The following TPST2 variants were observed in gnomAD, a reference collection of about 807,000 sequenced individuals.
TPST2 encodes tyrosylprotein sulfotransferase 2.
A neutral mutation model predicts 27.8 loss-of-function variants in TPST2; 16 were observed. The ratio of observed to expected loss-of-function variants is 0.58; its 90% CI spans 0.39 to 0.88. TPST2 has a LOEUF of 0.88. TPST2 is among the 40% of genes least tolerant of loss of function. TPST2 has a pLI of 0.00. For synonymous variants in TPST2, 229 were observed against 231.7 expected (o/e 0.99, Z 0.10); for missense variants, 464 against 543.1 (o/e 0.85, Z 1.45).
chr22:26,551,065 G>T (rs1182351847), intron 1 of TPST2, among the ~76,000 whole-genome samples: 1 of 152,184 alleles, frequency 6.6e-6, no homozygotes, highest in Non-Finnish European at 1.5e-5. Context: ...AGGCTGAGGG[G>T]GATGGATTGC....
chr22:26,574,446 CACA>C (rs1040483300), intron 1 of TPST2, among the ~76,000 whole-genome samples: 1 of 152,142 alleles, frequency 6.6e-6, no homozygotes, highest in Non-Finnish European at 1.5e-5. Flanking sequence ...GCTATCATCC[CACA>C]ACAACAGGCC....
chr22:26,534,234 A>C (rs551548859), intron 4 of TPST2, among the ~76,000 whole-genome samples: 3 of 152,304 alleles, frequency 2.0e-5, no homozygotes, highest in African/African-American at 7.2e-5. Context: ...CCCAGGATCC[A>C]TTATTGGAAC....
intron 4 of TPST2, among the ~76,000 whole-genome samples, chr22:26,534,550 C>T (rs753490013): frequency 2.0e-5 from 3 of 152,184 alleles, no homozygotes; most frequent in East Asian, 1.9e-4. Flanking sequence ...CAGGAACGTC[C>T]GACCCATAGC....
At chr22:26,569,893 A>G (rs544469131) in intron 1 of TPST2, among the ~76,000 whole-genome samples, 2 of 146,666 alleles carry the variant, frequency 1.4e-5, no homozygotes, top group South Asian at 2.3e-4. Flanking sequence ...TGGAGGTTGC[A>G]GTGGGCCGAG....
chr22:26,580,803 C>T (rs1928071532), intron 1 of TPST2, among the ~76,000 whole-genome samples: 1 of 152,168 alleles, frequency 6.6e-6, no homozygotes, highest in Admixed American at 6.5e-5. Context: ...GCACTAAAGA[C>T]GCGTTAGCAC....
intron 1 of TPST2, among the ~76,000 whole-genome samples, chr22:26,559,652 A>C (rs966673973): frequency 1.3e-5 from 2 of 152,190 alleles, no homozygotes; most frequent in Admixed American, 6.5e-5. Flanking sequence ...CACACAAAGC[A>C]TGTTCTTTAA....
rs771545278 is a variant in TPST2, at chr22:26,536,471, C to T, written c.858G>A (p.Thr286=). 13 of 1,537,784 alleles carry T rather than the reference C, an allele frequency of 8.5e-6. No homozygotes were observed. The highest frequency in any genetic ancestry group is 2.0e-5 in the Admixed American group (1 of 49,518). The change falls in exon 4 of 7, where the codon ACG becomes ACA. Residue 286 remains threonine (T), a synonymous_variant. Transcript: ENST00000338754. The part of the protein sequence containing the change: ...GVSLSKIERS[T]DQVIKPVNLE... ...GGTTAACAGGCTTGATGACCTGGTCCGTGGACCGCTCGATCCTGGGGAGAG... is the reference window on the plus strand; with the variant it reads ...GGTTAACAGGCTTGATGACCTGGTCTGTGGACCGCTCGATCCTGGGGAGAG...
At chr22:26,544,193 G>A (rs1345935819) in intron 2 of TPST2, among the ~76,000 whole-genome samples, 1 of 152,156 alleles carries the variant, frequency 6.6e-6, no homozygotes, top group Non-Finnish European at 1.5e-5. Flanking sequence ...TTTTCTCAAG[G>A]AAGCTATTCA....
intron 5 of TPST2, among the ~76,000 whole-genome samples, chr22:26,531,144 A>G (rs952645854): frequency 1.3e-5 from 2 of 152,212 alleles, no homozygotes; most frequent in Non-Finnish European, 2.9e-5. Flanking sequence ...AAGGAATGGC[A>G]TACCCCCACG....
At chr22:26,556,985 G>A (rs574255467) in intron 1 of TPST2, among the ~76,000 whole-genome samples, 1 of 152,386 alleles carries the variant, frequency 6.6e-6, no homozygotes, top group South Asian at 2.1e-4. Context: ...TCACAAAGCT[G>A]AGGCAGGAAG....
chr22:26,551,872 CTTTTCTTTTTCTT>C (rs752873860), intron 1 of TPST2, among the ~76,000 whole-genome samples: 20,588 of 115,328 alleles, frequency 0.18, 954 homozygotes, highest in Non-Finnish European at 0.22. Flanking sequence ...TTTTCCTTTT[CTTTTCTTTTTCTT>C]TTTTTTTTTT....
intron 4 of TPST2, among the ~76,000 whole-genome samples, chr22:26,534,206 C>T (rs2147178706): frequency 6.6e-6 from 1 of 152,228 alleles, no homozygotes; most frequent in Admixed American, 6.5e-5. Context: ...GTCCTTTTAG[C>T]CACTGTGTTT....
chr22:26,563,742 T>C (rs1262404244), intron 1 of TPST2, among the ~76,000 whole-genome samples: 1 of 152,104 alleles, frequency 6.6e-6, no homozygotes, highest in African/African-American at 2.4e-5. Flanking sequence ...TGCAATGACA[T>C]ACCATCACAA....
chr22:26,544,680 A>C lies in TPST2; in HGVS notation c.-160-5T>G. On this transcript the variant is annotated splice_region_variant and splice_polypyrimidine_tract_variant and intron_variant, in intron 1 of 6. Transcript: ENST00000338754. ...AGGCTGTCTGCTGGCAGAGCCCTGG[A>C]GAGGCAAAGGAGATATTGCATCAGG... 1 of 985,984 alleles carries C rather than the reference A, an allele frequency of 1.0e-6. No homozygotes were observed. Among genetic ancestry groups the C allele is most frequent in the Non-Finnish European group, 1.2e-6 (1 of 830,044 alleles). 61.1% of individuals were successfully genotyped at this position (985,984 alleles called of 1,614,324 possible).
chr22:26,583,252 G>C (rs1319530667), intron 1 of TPST2, among the ~76,000 whole-genome samples: 1 of 150,368 alleles, frequency 6.7e-6, no homozygotes, highest in African/African-American at 2.4e-5. Flanking sequence ...CTGGCCAACA[G>C]GGTGAAACCC....
At chr22:26,577,319 G>A (rs1473169618) in intron 1 of TPST2, among the ~76,000 whole-genome samples, 2 of 149,666 alleles carry the variant, frequency 1.3e-5, no homozygotes, top group Non-Finnish European at 3.0e-5. Context: ...GTGTGCCTGG[G>A]GGGTTTTCTA....
intron 1 of TPST2, among the ~76,000 whole-genome samples, chr22:26,553,793 T>C (rs1412779564): frequency 2.6e-5 from 4 of 152,200 alleles, no homozygotes; most frequent in Admixed American, 2.0e-4. Flanking sequence ...TCCTCCCATA[T>C]ACTTTAAATC....
chr22:26,561,796 AC>A (rs1927110822), intron 1 of TPST2, among the ~76,000 whole-genome samples: 2 of 152,138 alleles, frequency 1.3e-5, no homozygotes, highest in South Asian at 4.1e-4. Context: ...AGGCTTAGGT[AC>A]TAGGGAGCCA....
chr22:26,535,953 A>C (rs1466152266), intron 4 of TPST2: 1 of 408,980 alleles, frequency 2.4e-6, no homozygotes, highest in African/African-American at 2.1e-5. Flanking sequence ...CAAAGACTTG[A>C]GGTGCCTTAC....
Sources: allele counts gnomAD v4.1 joint callset (sites outside exome capture counted in the v4.1 genomes callset), GRCh38; gene constraint gnomAD v4.1.1; transcripts MANE v1.5; gene names NCBI Gene and HGNC (gene_info 2026-07-23, HGNC 2026-07-21).